The following ZNF644 variants were observed in gnomAD, a reference collection of about 807,000 sequenced individuals.
ZNF644 encodes the protein zinc finger protein 644, also known as zinc finger motif enhancer binding protein 2.
Under a neutral mutation model 108.0 loss-of-function variants are expected in ZNF644, and 20 were observed. That is an observed-to-expected ratio of 0.19 (90% CI 0.13 to 0.27). The LOEUF is 0.27. Among genes scored for constraint, ZNF644 ranks in the 10% least tolerant of loss-of-function variants. The probability of loss-of-function intolerance (pLI) is 1.00; values close to 1 mark genes in which losing one functional copy is unlikely to be tolerated. For missense variants in ZNF644, 1,338 were observed against 1,548.9 expected (o/e 0.86, Z 2.29); for synonymous variants, 542 against 539.1 (o/e 1.01, Z -0.08).
intron 2 of ZNF644, among the ~76,000 whole-genome samples, chr1:90,944,265 T>C (rs578159466): frequency 6.2e-4 from 95 of 152,288 alleles, no homozygotes; most frequent in Admixed American, 1.2e-3. Flanking sequence ...TCATGTCAGC[T>C]TGGAGACTGC....
intron 4 of ZNF644, chr1:90,935,585 C>T: frequency 2.0e-6 from 2 of 983,450 alleles, no homozygotes; most frequent in Non-Finnish European, 2.4e-6. Context: ...GTGAAATTTT[C>T]TTAGCTTAAA....
At chr1:90,977,043 A>T (rs1411802447) in intron 2 of ZNF644, among the ~76,000 whole-genome samples, 4 of 141,820 alleles carry the variant, frequency 2.8e-5, no homozygotes, top group Non-Finnish European at 6.1e-5. Context: ...TTAAATACTT[A>T]AAAAAAAAAA....
Position 90,945,346 on chromosome 1 carries a change from A to G in ZNF644, c.45-4037T>C, listed in dbSNP as rs2101001814. On this transcript the variant is annotated intron_variant, in intron 2 of 5. Coordinates refer to ENST00000337393, the MANE Select transcript of ZNF644 (RefSeq NM_201269.3). ...CACACCTTTTTAAAAAGCTGCAAAC[A>G]GAACTTTAAATCTACATAAAATATA... 1.3e-5 allele frequency among the ~76,000 whole-genome samples: 2 copies of G among 152,246 alleles called. 1 individual carries two copies. The highest frequency in any genetic ancestry group is 6.8e-3 in the Middle Eastern group (2 of 294).
chr1:90,936,410 G>A (rs1348745903), intron 4 of ZNF644, among the ~76,000 whole-genome samples: 2 of 151,854 alleles, frequency 1.3e-5, no homozygotes, highest in Admixed American at 6.6e-5. Context: ...CTCTTTATTC[G>A]AAAGAAAAAG....
intron 2 of ZNF644, among the ~76,000 whole-genome samples, chr1:90,944,463 A>G (rs369506826): frequency 4.0e-4 from 61 of 152,172 alleles, no homozygotes; most frequent in African/African-American, 1.5e-3. Context: ...TTTAACAATG[A>G]AAGTTTTCCT....
At chr1:91,000,293 G>A (rs1168204534) in intron 1 of ZNF644, among the ~76,000 whole-genome samples, 1 of 152,078 alleles carries the variant, frequency 6.6e-6, no homozygotes. Flanking sequence ...TGGAAGTAAA[G>A]CACTCCTCAA....
chr1:91,013,025 T>C (rs1055529924), intron 1 of ZNF644, among the ~76,000 whole-genome samples: 1 of 152,168 alleles, frequency 6.6e-6, no homozygotes, highest in African/African-American at 2.4e-5. Context: ...TCCAGCATTT[T>C]CTGTAGTGTC....
chr1:90,965,341 C>G (rs369712576), intron 2 of ZNF644, among the ~76,000 whole-genome samples: 2 of 152,072 alleles, frequency 1.3e-5, no homozygotes, highest in African/African-American at 4.8e-5. Context: ...CTCTTCACAT[C>G]GTCTTCCTTC....
At chr1:90,918,703 T>C (rs1366198239) in intron 4 of ZNF644, among the ~76,000 whole-genome samples, 1 of 152,158 alleles carries the variant, frequency 6.6e-6, no homozygotes, top group Admixed American at 6.5e-5. Flanking sequence ...TGATTCACCA[T>C]GAATTTTATA....
At chr1:90,948,687 G>GA (rs892958362) in intron 2 of ZNF644, among the ~76,000 whole-genome samples, 2 of 152,080 alleles carry the variant, frequency 1.3e-5, no homozygotes, top group Non-Finnish European at 2.9e-5. Flanking sequence ...TATATTCATC[G>GA]AAAAAAATCC....
intron 1 of ZNF644, among the ~76,000 whole-genome samples, chr1:90,990,404 A>C (rs1657526888): frequency 6.6e-6 from 1 of 152,136 alleles, no homozygotes; most frequent in African/African-American, 2.4e-5. Context: ...CTCCCTGAAA[A>C]CTCAAGAAAT....
At position 90,941,208 on chromosome 1, in the gene ZNF644, A is replaced by G; in HGVS notation, c.146T>C (p.Ile49Thr). ...KEELLDDNNF[I>T]SDKESGVHKP... ...ATGAACTCCGCTCTCTTTGTCTGAG[A>G]TAAAATTGTTGTCATCTAGGAGTTC... is the stretch of plus-strand genomic sequence containing the variant. The change falls in exon 3 of 6, where the codon ATC becomes ACC. Residue 49 changes from isoleucine (I) to threonine (T), a missense_variant. Coordinates refer to ENST00000337393, the MANE Select transcript of ZNF644 (RefSeq NM_201269.3). 1 of 1,606,408 alleles carries G rather than the reference A, an allele frequency of 6.2e-7. No homozygotes were observed. Among genetic ancestry groups the G allele is most frequent in the Non-Finnish European group, 8.5e-7 (1 of 1,177,534 alleles).
chr1:90,961,131 C>T (rs563633370), intron 2 of ZNF644, among the ~76,000 whole-genome samples: 3 of 152,064 alleles, frequency 2.0e-5, no homozygotes, highest in South Asian at 2.1e-4. Flanking sequence ...TATAGCAAAA[C>T]GATGATGACG....
At chr1:90,981,721 T>C (rs1656571302) in intron 2 of ZNF644, among the ~76,000 whole-genome samples, 1 of 152,100 alleles carries the variant, frequency 6.6e-6, no homozygotes, top group Non-Finnish European at 1.5e-5. Flanking sequence ...TTTTTAAAAG[T>C]GAACAGCCTT....
intron 1 of ZNF644, among the ~76,000 whole-genome samples, chr1:90,992,973 G>A (rs1367402412): frequency 6.6e-6 from 1 of 152,176 alleles, no homozygotes; most frequent in Non-Finnish European, 1.5e-5. Context: ...GAGCCCAGGA[G>A]TTTGAGGTTA....
chr1:90,973,611 CTG>C (rs1476752230), intron 2 of ZNF644, among the ~76,000 whole-genome samples: 3 of 152,138 alleles, frequency 2.0e-5, no homozygotes, highest in African/African-American at 7.2e-5. Context: ...CAAAAAATAT[CTG>C]TGTTAAGTGT....
At chr1:90,949,147 C>T (rs560785890) in intron 2 of ZNF644, among the ~76,000 whole-genome samples, 1 of 151,728 alleles carries the variant, frequency 6.6e-6, no homozygotes, top group South Asian at 2.1e-4. Context: ...TAACCTCTCA[C>T]CTGTATTATA....
intron 4 of ZNF644, among the ~76,000 whole-genome samples, chr1:90,933,323 TAG>T (rs1193274568): frequency 6.6e-6 from 1 of 152,170 alleles, no homozygotes; most frequent in Non-Finnish European, 1.5e-5. Flanking sequence ...TCTTTTTAAT[TAG>T]ACTCTTATTT....
intron 2 of ZNF644, among the ~76,000 whole-genome samples, chr1:90,979,899 T>C (rs185724430): frequency 3.3e-5 from 5 of 152,234 alleles, no homozygotes; most frequent in Non-Finnish European, 7.3e-5. Flanking sequence ...AATATTTTAC[T>C]AGCCACTGTA....
Sources: allele counts gnomAD v4.1 joint callset (sites outside exome capture counted in the v4.1 genomes callset), GRCh38; gene constraint gnomAD v4.1.1; transcripts MANE v1.5; gene names NCBI Gene and HGNC (gene_info 2026-07-23, HGNC 2026-07-21).